CLYBL: variants seen among roughly 807,000 people sequenced by gnomAD.
The protein encoded by CLYBL is citramalyl-CoA lyase, mitochondrial.
A neutral mutation model predicts 38.9 loss-of-function variants in CLYBL; 31 were observed. That is an observed-to-expected ratio of 0.80 (90% confidence interval 0.60 to 1.08). CLYBL has a LOEUF of 1.08. CLYBL is among the 50% of genes least tolerant of loss of function. The pLI, the probability that CLYBL is intolerant of heterozygous loss-of-function variation, is 0.00. For missense variants in CLYBL, 434 were observed against 411.6 expected, an observed-to-expected ratio of 1.05 and a Z score of -0.47; for synonymous variants, 171 against 158.6, an observed-to-expected ratio of 1.08 and a Z score of -0.59.
intron 7 of CLYBL, among the ~76,000 whole-genome samples, chr13:99,880,374 A>T (rs1362294369): frequency 6.6e-6 from 1 of 152,126 alleles, no homozygotes; most frequent in East Asian, 1.9e-4. Context: ...CCTTGCATAT[A>T]TTACTTTATG....
chr13:99,895,486 C>A (rs1011608688), downstream of CLYBL: 1 of 152,238 alleles, frequency 6.6e-6, no homozygotes, highest in African/African-American at 2.4e-5. Context: ...GGAGGCAGGA[C>A]CAGACCCCAG....
chr13:99,901,488 CAGAGAGACCCCG>C (rs1017329942), downstream of CLYBL, among the ~76,000 whole-genome samples: 3 of 151,982 alleles, frequency 2.0e-5, no homozygotes, highest in Non-Finnish European at 2.9e-5. Context: ...TCCATTTTAC[CAGAGAGACCCCG>C]AGAGAGACCC....
intron 8 of CLYBL, among the ~76,000 whole-genome samples, chr13:99,902,570 A>G (rs1031541683): frequency 6.6e-6 from 1 of 152,222 alleles, no homozygotes; most frequent in African/African-American, 2.4e-5. Flanking sequence ...AAAAGAGAAC[A>G]TGTTTTCATA....
At chr13:99,780,071 TGA>T (rs763615009) in intron 2 of CLYBL, among the ~76,000 whole-genome samples, 4 of 152,162 alleles carry the variant, frequency 2.6e-5, no homozygotes, top group African/African-American at 4.8e-5. Context: ...TGTCAAAAAT[TGA>T]GAGAGTCTAG....
At chr13:99,885,396 G>A (rs994768973) in intron 7 of CLYBL, among the ~76,000 whole-genome samples, 19 of 152,136 alleles carry the variant, frequency 1.2e-4, no homozygotes, top group African/African-American at 4.6e-4. Context: ...AGGCCTCAGG[G>A]GACTGGCAGG....
chr13:99,784,339 G>A (rs2049730978), intron 2 of CLYBL, among the ~76,000 whole-genome samples: 1 of 151,610 alleles, frequency 6.6e-6, no homozygotes, highest in African/African-American at 2.4e-5. Flanking sequence ...TTAGTATTCT[G>A]ATACTAGGTC....
intron 1 of CLYBL, among the ~76,000 whole-genome samples, chr13:99,721,633 C>T (rs1029454864): frequency 4.2e-5 from 5 of 119,922 alleles, no homozygotes; most frequent in African/African-American, 1.6e-4. Flanking sequence ...CCCCCTCCCC[C>T]TCTAATTTTT....
chr13:99,904,897 G>A (rs2052679080), intron 8 of CLYBL, among the ~76,000 whole-genome samples: 2 of 152,190 alleles, frequency 1.3e-5, no homozygotes, highest in Non-Finnish European at 2.9e-5. Flanking sequence ...CCTCCCTCTT[G>A]TAAGAAGCTC....
chr13:99,828,870 T>A (rs1320725377), intron 2 of CLYBL, among the ~76,000 whole-genome samples: 1 of 152,108 alleles, frequency 6.6e-6, no homozygotes, highest in African/African-American at 2.4e-5. Context: ...CATCACGGTG[T>A]CCAAAAATTG....
rs2051485351 is a variant in CLYBL, at chr13:99,857,364, G to A, written c.250-1497G>A. Among the ~76,000 whole-genome samples, 2 of 152,174 alleles carry A rather than the reference G, an allele frequency of 1.3e-5. 1 individual carries two copies. ...TTAATGGCTGTAATAAAGAATGCAT[G>A]GTAGAGCAAGTGGGCGAGTTTTATA... On this transcript the variant is annotated intron_variant, in intron 2 of 8. Transcript: ENST00000339105.
At chr13:99,764,547 C>G (rs908564170) in intron 1 of CLYBL, among the ~76,000 whole-genome samples, 2 of 152,236 alleles carry the variant, frequency 1.3e-5, no homozygotes. Flanking sequence ...ATAGTAGTCT[C>G]TAATGATTCT....
intron 2 of CLYBL, among the ~76,000 whole-genome samples, chr13:99,816,336 T>C (rs1040168673): frequency 5.3e-5 from 8 of 152,222 alleles, no homozygotes; most frequent in Admixed American, 5.2e-4. Context: ...CACCAAATGA[T>C]ATTTTGATGT....
chr13:99,859,037 A>G lies in CLYBL; in HGVS notation c.426A>G (p.Glu142=), dbSNP rs1369754290. The G allele has an allele frequency of 2.5e-6, 4 of 1,612,778 alleles. No homozygotes were observed. In the African/African-American group the frequency reaches 5.3e-5, roughly 22 times the overall value. ...TGCTACCAAAGGTGGAAAGTCCTGA[A>G]GAAATCCAGTGGGTGAGTAGCTAAT... ...SLMLPKVESP[E]EIQWFADKFS... Residue 142 remains glutamate (E), a synonymous_variant, in exon 3 of 9, where the codon GAA becomes GAG. Coordinates refer to ENST00000339105, the MANE Select transcript of CLYBL (RefSeq NM_206808.5).
chr13:99,773,153 A>G, intron 2 of CLYBL, 143 bp downstream of exon 2: 3 of 700,096 alleles, frequency 4.3e-6, no homozygotes, highest in Non-Finnish European at 7.2e-6. Context: ...CTGCTTTTAT[A>G]TAGGTTCTAA....
At chr13:99,732,431 C>G (rs2139575505) in intron 1 of CLYBL, among the ~76,000 whole-genome samples, 1 of 152,200 alleles carries the variant, frequency 6.6e-6, no homozygotes, top group Admixed American at 6.5e-5. Context: ...TAGGCTCAGG[C>G]AATCCTCCCT....
intron 7 of CLYBL, among the ~76,000 whole-genome samples, chr13:99,871,461 G>C (rs925035021): frequency 2.0e-5 from 3 of 152,120 alleles, no homozygotes; most frequent in Non-Finnish European, 4.4e-5. Flanking sequence ...GAAATAAATT[G>C]CAAGTTATTT....
chr13:99,673,199 G>C (rs1025569078), intron 1 of CLYBL, among the ~76,000 whole-genome samples: 2 of 152,122 alleles, frequency 1.3e-5, no homozygotes, highest in African/African-American at 4.8e-5. Flanking sequence ...GATCACCTGA[G>C]GTCAGGAGTT....
At chr13:99,679,246 A>G (rs902739668) in intron 1 of CLYBL, among the ~76,000 whole-genome samples, 1 of 150,440 alleles carries the variant, frequency 6.6e-6, no homozygotes, top group African/African-American at 2.4e-5. Context: ...GTAAGCCAAG[A>G]TTGCGCCACA....
chr13:99,900,211 GC>G (rs1257450559), downstream of CLYBL, among the ~76,000 whole-genome samples: 1 of 151,298 alleles, frequency 6.6e-6, no homozygotes, highest in African/African-American at 2.4e-5. Context: ...ACACACATGA[GC>G]CACCTGGCCT....
Sources: gnomAD v4.1 joint callset for allele counts (sites outside exome capture counted in the v4.1 genomes callset) on GRCh38, gnomAD v4.1.1 for gene constraint, MANE v1.5 for transcripts, NCBI Gene and HGNC (gene_info 2026-07-23, HGNC 2026-07-21) for gene names.